The following CAMK4 variants were observed in gnomAD, a reference collection of about 807,000 sequenced individuals.
CAMK4 encodes the protein calcium/calmodulin dependent protein kinase IV.
Under a neutral mutation model 44.9 loss-of-function variants are expected in CAMK4, and 22 were observed. The observed-to-expected ratio is 0.49, with a 90% CI of 0.35 to 0.70. The LOEUF is 0.70. CAMK4 is among the 30% of genes least tolerant of loss of function. The pLI, the probability that CAMK4 is intolerant of heterozygous loss-of-function variation, is 0.01. For synonymous variants in CAMK4, 218 were observed against 215.4 expected (o/e 1.01, Z -0.11); for missense variants, 498 against 586.8 (o/e 0.85, Z 1.56).
At chr5:111,331,965 A>G (rs1046560725) in intron 1 of CAMK4, among the ~76,000 whole-genome samples, 4 of 151,794 alleles carry the variant, frequency 2.6e-5, no homozygotes, top group Non-Finnish European at 3.0e-5. Context: ...CACAGTGCCT[A>G]ATAAATTTTC....
chr5:111,284,702 C>T (rs1229357393), intron 1 of CAMK4, among the ~76,000 whole-genome samples: 2 of 152,146 alleles, frequency 1.3e-5, no homozygotes, highest in Non-Finnish European at 2.9e-5. Context: ...GAGAGCTATC[C>T]GAGAGCGTTA....
intron 6 of CAMK4, among the ~76,000 whole-genome samples, chr5:111,447,854 C>G (rs973976516): frequency 6.6e-6 from 1 of 152,248 alleles, no homozygotes; most frequent in African/African-American, 2.4e-5. Flanking sequence ...GGGCAGCCAG[C>G]TTGTTCTCAT....
chr5:111,250,495 A>T (rs143545067), intron 1 of CAMK4, among the ~76,000 whole-genome samples: 20 of 152,286 alleles, frequency 1.3e-4, no homozygotes, highest in East Asian at 7.7e-4. Context: ...TTCAATGCCT[A>T]TGGGCTCATT....
chr5:111,349,761 A>T (rs1355838465), intron 2 of CAMK4, among the ~76,000 whole-genome samples: 1 of 151,930 alleles, frequency 6.6e-6, no homozygotes, highest in East Asian at 1.9e-4. Context: ...AATGTGACTT[A>T]TTTTCAAGGA....
intron 5 of CAMK4, among the ~76,000 whole-genome samples, chr5:111,428,759 AG>A (rs2112933884): frequency 6.6e-6 from 1 of 152,314 alleles, no homozygotes; most frequent in East Asian, 1.9e-4. Flanking sequence ...GCAAATCTAA[AG>A]AGAAGGTAGA....
intron 1 of CAMK4, among the ~76,000 whole-genome samples, chr5:111,292,314 CA>C (rs1356151135): frequency 2.6e-5 from 4 of 152,042 alleles, no homozygotes; most frequent in Non-Finnish European, 5.9e-5. Context: ...ACTTATTTTT[CA>C]AACTACTTAT....
intron 5 of CAMK4, among the ~76,000 whole-genome samples, chr5:111,414,392 A>G (rs1218955303): frequency 6.6e-6 from 1 of 152,154 alleles, no homozygotes. Context: ...CAGCAGCAGC[A>G]GCAGCAGCAG....
chr5:111,421,025 G>A (rs1034137654), intron 5 of CAMK4, among the ~76,000 whole-genome samples: 1 of 152,222 alleles, frequency 6.6e-6, no homozygotes, highest in Non-Finnish European at 1.5e-5. Flanking sequence ...TTGGGGAAGT[G>A]ATAAGTGTCC....
At chr5:111,334,033 A>G (rs1749289841) in intron 1 of CAMK4, among the ~76,000 whole-genome samples, 1 of 151,594 alleles carries the variant, frequency 6.6e-6, no homozygotes, top group South Asian at 2.1e-4. Context: ...TTCAGCAAGT[A>G]AATGAACCTG....
chr5:111,452,360 G>A (rs1347336234), intron 7 of CAMK4, among the ~76,000 whole-genome samples: 1 of 152,204 alleles, frequency 6.6e-6, no homozygotes, highest in Non-Finnish European at 1.5e-5. Flanking sequence ...GTAGGTAATG[G>A]TGATCCAGCA....
chr5:111,453,596 G>A (rs1037104510), intron 7 of CAMK4, among the ~76,000 whole-genome samples: 1 of 152,028 alleles, frequency 6.6e-6, no homozygotes, highest in East Asian at 1.9e-4. Flanking sequence ...CGCAGAGACT[G>A]TTTTATATTC....
chr5:111,326,394 C>T (rs1019874197), intron 1 of CAMK4, among the ~76,000 whole-genome samples: 9 of 151,706 alleles, frequency 5.9e-5, no homozygotes, highest in African/African-American at 2.2e-4. Context: ...CCAAAAGTGA[C>T]ATAAGAAATA....
chr5:111,342,136 T>G lies in CAMK4; in HGVS notation c.162-1888T>G, dbSNP rs139411558. Among the ~76,000 whole-genome samples the G allele has an allele frequency of 4.0e-3, 613 of 151,436 alleles. 3 individuals are homozygous for G. Among genetic ancestry groups the G allele is most frequent in the African/African-American group, 0.014 (591 of 41,424 alleles). On this transcript the variant is annotated intron_variant, in intron 1 of 10. Coordinates refer to ENST00000282356, the MANE Select transcript of CAMK4 (RefSeq NM_001744.6). ...TTTTCTAAATGTCACTTAGTATAAT[T>G]TAGTTGGTAGGGCTGTTCTGTTGTT...
chr5:111,315,598 T>C (rs76388212), intron 1 of CAMK4, among the ~76,000 whole-genome samples: 1,817 of 152,028 alleles, frequency 0.012, 15 homozygotes, highest in Non-Finnish European at 0.019. Context: ...ATGATCTTCA[T>C]TTTTTTTGTA....
intron 1 of CAMK4, among the ~76,000 whole-genome samples, chr5:111,311,803 G>A (rs957532734): frequency 1.1e-4 from 17 of 152,020 alleles, no homozygotes; most frequent in African/African-American, 4.1e-4. Context: ...TGTCATCTTT[G>A]GTCTCATTCC....
intron 5 of CAMK4, among the ~76,000 whole-genome samples, chr5:111,438,434 T>C (rs993639500): frequency 9.9e-5 from 15 of 152,204 alleles, no homozygotes; most frequent in African/African-American, 3.6e-4. Flanking sequence ...AATCACATCA[T>C]TTGTAGCAAA....
At chr5:111,405,294 C>T (rs1391410312) in intron 5 of CAMK4, among the ~76,000 whole-genome samples, 10 of 152,054 alleles carry the variant, frequency 6.6e-5, no homozygotes. Context: ...GTGGTGAAAC[C>T]CCATCTCTAC....
chr5:111,377,079 A>C, intron 4 of CAMK4, 137 bp downstream of exon 4: 1 of 554,154 alleles, frequency 1.8e-6, no homozygotes, highest in Non-Finnish European at 3.2e-6. Flanking sequence ...AAAAGTCTTA[A>C]GAAGAATGTT....
At chr5:111,403,930 C>T (rs952656174) in intron 5 of CAMK4, among the ~76,000 whole-genome samples, 17 of 152,152 alleles carry the variant, frequency 1.1e-4, no homozygotes, top group Non-Finnish European at 2.5e-4. Context: ...TTCTGATCGT[C>T]TTCGTTAACT....
Sources: allele counts gnomAD v4.1 joint callset (sites outside exome capture counted in the v4.1 genomes callset), GRCh38; gene constraint gnomAD v4.1.1; transcripts MANE v1.5; gene names NCBI Gene and HGNC (gene_info 2026-07-23, HGNC 2026-07-21).